Variants in PODN observed in about 807,000 individuals in gnomAD.
The protein encoded by PODN is podocan, also known as podocan proteoglycan.
Under a neutral mutation model 52.7 loss-of-function variants are expected in PODN, and 40 were observed. The observed-to-expected ratio is 0.76, with a 90% CI of 0.59 to 0.99. The LOEUF is 0.99. Among genes scored for constraint, PODN ranks in the 50% least tolerant of loss-of-function variants. PODN has a pLI of 0.00. For missense variants in PODN, 720 were observed against 815.1 expected (o/e 0.88, Z 1.42); for synonymous variants, 396 against 377.9 (o/e 1.05, Z -0.56).
intron 4 of PODN, 110 bp downstream of exon 4, chr1:53,074,780 T>C (rs1305731502): frequency 2.6e-6 from 2 of 774,828 alleles, no homozygotes; most frequent in Non-Finnish European, 3.9e-6. Context: ...TGCTGGGTCC[T>C]TGTTGCTGCT....
rs763496736 is a variant in PODN at position 53,062,317 on chromosome 1, C to T, written c.-56+9C>T. The T allele has an allele frequency of 4.8e-6, 6 of 1,247,228 alleles. No individual in the cohort carries two copies. The highest frequency in any genetic ancestry group is 2.0e-6 in the Non-Finnish European group (2 of 988,588). 77.3% of individuals were successfully genotyped at this position (1,247,228 alleles called of 1,614,324 possible). ...GCGCCGGGGCGCAGCAGGTACAGGGCGCTGGCAGCCGGGGTGGGCCGAGGG... is the reference window on the plus strand; with the variant it reads ...GCGCCGGGGCGCAGCAGGTACAGGGTGCTGGCAGCCGGGGTGGGCCGAGGG... On this transcript the variant is annotated intron_variant, in intron 1 of 10. Coordinates refer to ENST00000312553, the MANE Select transcript of PODN (RefSeq NM_153703.5).
intron 1 of PODN, among the ~76,000 whole-genome samples, chr1:53,065,006 C>T (rs893528791): frequency 2.0e-5 from 3 of 152,220 alleles, no homozygotes; most frequent in Admixed American, 2.0e-4. Context: ...CTGTTCTTCC[C>T]CACACACCTC....
intron 1 of PODN, among the ~76,000 whole-genome samples, chr1:53,064,335 G>T (rs2150290063): frequency 6.6e-6 from 1 of 152,368 alleles, no homozygotes; most frequent in Non-Finnish European, 1.5e-5. Flanking sequence ...GGCAGGAGAG[G>T]CTTCCCTGAG....
At chr1:53,079,134 TCC>T in intron 8 of PODN, 112 bp downstream of exon 8, 1 of 1,326,452 alleles carries the variant, frequency 7.5e-7, no homozygotes. Context: ...TGAGGGAGGT[TCC>T]TCTGGTATGG....
At chr1:53,065,673 G>C (rs1178988006) in intron 1 of PODN, among the ~76,000 whole-genome samples, 2 of 152,202 alleles carry the variant, frequency 1.3e-5, no homozygotes, top group Non-Finnish European at 2.9e-5. Context: ...GTCTTCCAGT[G>C]ATAAGGACCA....
At chr1:53,066,838 G>T (rs953855914) in intron 1 of PODN, 29 of 1,549,618 alleles carry the variant, frequency 1.9e-5, no homozygotes, top group Non-Finnish European at 2.4e-5. Flanking sequence ...GATACCAAAT[G>T]GAAGGCGAGG....
intron 1 of PODN, among the ~76,000 whole-genome samples, chr1:53,063,892 C>A (rs1643996546): frequency 6.6e-6 from 1 of 152,088 alleles, no homozygotes; most frequent in South Asian, 2.1e-4. Flanking sequence ...AGGCCCTTGG[C>A]CACCCAGGCC....
chr1:53,081,471 A>C (rs1297398604), intron 9 of PODN, among the ~76,000 whole-genome samples: 1 of 152,196 alleles, frequency 6.6e-6, no homozygotes, highest in Admixed American at 6.5e-5. Flanking sequence ...GTGGCTTGAC[A>C]TGTGCCTCAG....
chr1:53,075,797 A>T, intron 4 of PODN, 65 bp from the exon 5 acceptor site: 2 of 1,368,352 alleles, frequency 1.5e-6, no homozygotes, highest in Middle Eastern at 1.8e-4. Flanking sequence ...GGCAGCAGGC[A>T]GTGGGACCCA....
intron 1 of PODN, among the ~76,000 whole-genome samples, chr1:53,063,877 G>A (rs568565867): frequency 6.6e-6 from 1 of 152,058 alleles, no homozygotes; most frequent in East Asian, 1.9e-4. Context: ...CTAGCATGGC[G>A]GTGGAGGCCC....
chr1:53,076,029 A>C (rs757994151), intron 5 of PODN, 58 bp downstream of exon 5: 5 of 1,383,872 alleles, frequency 3.6e-6, no homozygotes, highest in Non-Finnish European at 5.0e-6. Context: ...GCTGAGGTGG[A>C]GGCTGCCATC....
intron 10 of PODN, among the ~76,000 whole-genome samples, chr1:53,084,225 GC>G (rs2150309409): frequency 6.6e-6 from 1 of 151,988 alleles, no homozygotes; most frequent in East Asian, 1.9e-4. Flanking sequence ...GGACACCACA[GC>G]CCTCATGAGG....
At chr1:53,082,702 C>T (rs942809015) in intron 10 of PODN, among the ~76,000 whole-genome samples, 3 of 152,190 alleles carry the variant, frequency 2.0e-5, no homozygotes, top group African/African-American at 7.2e-5. Flanking sequence ...CACGGATGCA[C>T]CAACACACAT....
At chr1:53,075,036 G>A (rs1644174548) in intron 4 of PODN, among the ~76,000 whole-genome samples, 1 of 152,140 alleles carries the variant, frequency 6.6e-6, no homozygotes, top group Admixed American at 6.5e-5. Flanking sequence ...TGCAGTAGAA[G>A]GAATGTCATG....
At chr1:53,079,952 G>A (rs1448794071) in intron 8 of PODN, among the ~76,000 whole-genome samples, 1 of 144,316 alleles carries the variant, frequency 6.9e-6, no homozygotes, top group Admixed American at 7.4e-5. Context: ...CTATGATCAC[G>A]CTACAGCACT....
Position 53,078,783 on chromosome 1 carries a change from G to A in PODN, c.1273G>A (p.Ala425Thr), listed in dbSNP as rs760137727. 1.9e-5 allele frequency: 30 copies of A among 1,613,086 alleles called. No individual in the cohort carries two copies. Among genetic ancestry groups the A allele is most frequent in the South Asian group, 4.4e-5 (4 of 91,092 alleles). Residue 425 changes from alanine (A) to threonine (T), a missense_variant, in exon 8 of 11, where the codon GCC (alanine) becomes ACC (threonine). Physicochemically the swap from Ala to Thr is moderately conservative, Grantham distance 58. Coordinates refer to ENST00000312553, the MANE Select transcript of PODN (RefSeq NM_153703.5). Reference sequence around the variant, plus strand: ...CACCAGCCCGCAGGTGCACCGCGACGCCTTCCGCAAGCTGCGCCTGCTGCG... The same window carrying A: ...CACCAGCCCGCAGGTGCACCGCGACACCTTCCGCAAGCTGCGCCTGCTGCG... Reference protein sequence around the residue: ...RITSPQVHRDAFRKLRLLRSL... With the variant: ...RITSPQVHRDTFRKLRLLRSL...
Position 53,077,174 on chromosome 1 carries a change from G to A in PODN, c.582-16G>A, listed in dbSNP as rs1169816169. The A allele has an allele frequency of 1.2e-6, 2 of 1,611,956 alleles. No individual in the cohort carries two copies. The highest frequency in any genetic ancestry group is 1.3e-5 in the African/African-American group (1 of 74,938). On this transcript the variant is annotated splice_polypyrimidine_tract_variant and intron_variant, in intron 5 of 10. Coordinates refer to ENST00000312553, the MANE Select transcript of PODN (RefSeq NM_153703.5). Reference sequence around the variant, plus strand: ...GGGGAGCCCAGGTGGGTGAGGACCTGTGCCTTGACCCCCAGGTCTGTGTAC... The same window carrying A: ...GGGGAGCCCAGGTGGGTGAGGACCTATGCCTTGACCCCCAGGTCTGTGTAC...
At chr1:53,068,817 G>A (rs1644069720) in intron 1 of PODN, among the ~76,000 whole-genome samples, 1 of 152,044 alleles carries the variant, frequency 6.6e-6, no homozygotes, top group African/African-American at 2.4e-5. Flanking sequence ...TGGGACAATG[G>A]CATCTTTCAG....
At chr1:53,077,490 T>G in intron 6 of PODN, 144 bp downstream of exon 6, 1 of 1,325,364 alleles carries the variant, frequency 7.5e-7, no homozygotes, top group Non-Finnish European at 1.0e-6. Context: ...AGGAGTCTAC[T>G]GTGGAGAAGT....
Sources: gnomAD v4.1 joint callset for allele counts (sites outside exome capture counted in the v4.1 genomes callset) on GRCh38, gnomAD v4.1.1 for gene constraint, MANE v1.5 for transcripts, NCBI Gene and HGNC (gene_info 2026-07-23, HGNC 2026-07-21) for gene names.